The following ZNF138 variants were observed in gnomAD, a reference collection of about 807,000 sequenced individuals.
ZNF138 encodes zinc finger protein 138, also known as zinc finger protein 138 (clone pHZ-32).
A neutral mutation model predicts 33.0 loss-of-function variants in ZNF138; 33 were observed. The observed-to-expected ratio is 1.00, with a 90% CI of 0.76 to 1.34. ZNF138 has a LOEUF of 1.34. ZNF138 is among the 40% of genes most tolerant of loss of function. The pLI is 0.00. For missense variants in ZNF138, 360 were observed against 370.8 expected (o/e 0.97, Z 0.24); for synonymous variants, 139 against 120.4 (o/e 1.15, Z -1.01).
chr7:64,831,344 A>G (rs947532659), intron 3 of ZNF138, 107 bp from the exon 4 acceptor site: 27 of 1,082,304 alleles, frequency 2.5e-5, no homozygotes, highest in Middle Eastern at 2.8e-4. Context: ...GTATTTTGCT[A>G]TGCCATCTTG....
the ZNF138 span, chr7:64,853,060 G>A: frequency 6.9e-7 from 1 of 1,453,484 alleles, no homozygotes; most frequent in Non-Finnish European, 9.7e-7. Context: ...ATGCTATCCT[G>A]CCTGTCACGT....
At position 64,814,904 on chromosome 7, in the gene ZNF138, TGC is replaced by T. The variant is rs1491310537; in HGVS notation, c.4-12_4-11del. On this transcript the variant is annotated splice_polypyrimidine_tract_variant and intron_variant, in intron 1 of 3. Transcript: ENST00000307355. ...GTTAATGTGTGTGTGTGTTTGTGTG[TGC>T]GTGTTTTTCAGGGACCACTGACATT... is the stretch of plus-strand genomic sequence containing the variant. The T allele has an allele frequency of 1.9e-4, 291 of 1,516,402 alleles. No homozygotes were observed. Among genetic ancestry groups the T allele is most frequent in the East Asian group, 4.2e-4 (17 of 40,422 alleles). The allele number at this position is 1,516,402 out of a possible 1,614,324, so 93.9% of individuals were successfully genotyped here. A position where few individuals can be genotyped will look rare whatever the true frequency, so the allele number is the denominator to read the frequency against.
At chr7:64,850,840 T>C in the ZNF138 span, among the ~76,000 whole-genome samples, 9 of 152,238 alleles carry the variant, frequency 5.9e-5, no homozygotes, top group Non-Finnish European at 1.0e-4. Flanking sequence ...TTTTAGATCA[T>C]GATTAATGTT....
At chr7:64,849,262 G>A in the ZNF138 span, among the ~76,000 whole-genome samples, 2 of 152,150 alleles carry the variant, frequency 1.3e-5, no homozygotes, top group African/African-American at 2.4e-5. Context: ...CTGGTACTGG[G>A]GGTTGTCTGC....
In ZNF138 at chr7:64,808,799, C is replaced by G. The variant is rs1277071067; in HGVS notation, c.4-6119C>G. On this transcript the variant is annotated intron_variant, in intron 1 of 3. Coordinates refer to ENST00000307355, the MANE Select transcript of ZNF138 (RefSeq NM_001271639.2). ...ATTAGGGAGTGGTGATGACTCTTAG[C>G]TGCCTTCAAGCATCTGTTTAACAAA... Among the ~76,000 whole-genome samples the G allele has an allele frequency of 1.5e-5, 2 of 132,442 alleles. 1 individual carries two copies. Among genetic ancestry groups the G allele is most frequent in the Admixed American group, 1.6e-4 (2 of 12,724 alleles). The allele number at this position is 132,442 out of a possible 152,430, so 86.9% of individuals were successfully genotyped here. A position where few individuals can be genotyped will look rare whatever the true frequency, so the allele number is the denominator to read the frequency against.
At chr7:64,857,659 T>TAA in the ZNF138 span, among the ~76,000 whole-genome samples, 116 of 484 alleles carry the variant, frequency 0.24, 37 homozygotes, top group Admixed American at 0.25. Context: ...AAAATAAATT[T>TAA]AAAAAAAAAA....
At chr7:64,812,790 C>T (rs1449340259) in intron 1 of ZNF138, among the ~76,000 whole-genome samples, 2 of 150,846 alleles carry the variant, frequency 1.3e-5, no homozygotes, top group Non-Finnish European at 2.9e-5. Flanking sequence ...TGTAATTTGT[C>T]CAGAGAATCT....
At chr7:64,844,423 A>G in the ZNF138 span, among the ~76,000 whole-genome samples, 10 of 151,230 alleles carry the variant, frequency 6.6e-5, no homozygotes, top group African/African-American at 1.5e-4. Context: ...CTTTGAGGAG[A>G]CAGTGATAGC....
intron 1 of ZNF138, among the ~76,000 whole-genome samples, chr7:64,810,372 G>A (rs1346638875): frequency 7.5e-6 from 1 of 133,168 alleles, no homozygotes; most frequent in Non-Finnish European, 1.6e-5. Flanking sequence ...AGGCAGAGAG[G>A]TTGCAGTGAG....
At chr7:64,806,685 T>C (rs1366213802) in intron 1 of ZNF138, among the ~76,000 whole-genome samples, 1 of 152,218 alleles carries the variant, frequency 6.6e-6, no homozygotes, top group Non-Finnish European at 1.5e-5. Context: ...TTGAGCTGTG[T>C]ATTTATTTCT....
At chr7:64,836,980 G>C (rs1044187176), downstream of ZNF138, 1 of 152,192 alleles carries the variant, frequency 6.6e-6, no homozygotes, top group African/African-American at 2.4e-5. Flanking sequence ...AGTTCTGGAG[G>C]GAGCCTTGCC....
intron 1 of ZNF138, among the ~76,000 whole-genome samples, chr7:64,795,071 T>A (rs1786576354): frequency 6.6e-6 from 1 of 152,180 alleles, no homozygotes; most frequent in Non-Finnish European, 1.5e-5. Context: ...GAAACACTTG[T>A]ATAAGGTGTA....
chr7:64,847,419 C>A, the ZNF138 span, among the ~76,000 whole-genome samples: 1 of 147,690 alleles, frequency 6.8e-6, no homozygotes, highest in African/African-American at 2.5e-5. Flanking sequence ...AGTTTAAGTC[C>A]ATTGTTTCTT....
intron 1 of ZNF138, among the ~76,000 whole-genome samples, chr7:64,807,355 C>T (rs1323499244): frequency 2.0e-5 from 3 of 152,228 alleles, no homozygotes; most frequent in African/African-American, 4.8e-5. Context: ...TACAAATCCA[C>T]TTATAACTGC....
chr7:64,849,805 A>T, the ZNF138 span, among the ~76,000 whole-genome samples: 3 of 151,750 alleles, frequency 2.0e-5, no homozygotes, highest in Non-Finnish European at 4.4e-5. Flanking sequence ...CATGCTCCCC[A>T]CCCCCAAGAG....
chr7:64,841,578 C>T, the ZNF138 span, among the ~76,000 whole-genome samples: 4 of 152,148 alleles, frequency 2.6e-5, no homozygotes, highest in Non-Finnish European at 4.4e-5. Flanking sequence ...TTTCATGCTG[C>T]GAAGCTAAAT....
In ZNF138 at chr7:64,832,905, T is replaced by C. The variant is rs1790209236; in HGVS notation, c.*703T>C. On this transcript the variant is annotated 3_prime_UTR_variant, in exon 4 of 4. Coordinates refer to ENST00000307355, the MANE Select transcript of ZNF138 (RefSeq NM_001271639.2). ...TGCTATACATAAGATGATTCACACTTGAATGAAACCCTACAAATGTGAACG... is the reference window on the plus strand; with the variant it reads ...TGCTATACATAAGATGATTCACACTCGAATGAAACCCTACAAATGTGAACG... 5.2e-6 allele frequency: 2 copies of C among 384,740 alleles called. No homozygotes were observed. The highest frequency in any genetic ancestry group is 6.4e-5 in the Admixed American group (2 of 31,352). 23.8% of individuals were successfully genotyped at this position (384,740 alleles called of 1,614,324 possible). A position where few individuals can be genotyped will look rare whatever the true frequency, so the allele number is the denominator to read the frequency against.
the ZNF138 span, among the ~76,000 whole-genome samples, chr7:64,838,950 G>T: frequency 6.6e-6 from 1 of 152,110 alleles, no homozygotes. Context: ...AGATGGCGGC[G>T]GAGAGACTAA....
chr7:64,843,972 C>T, the ZNF138 span, among the ~76,000 whole-genome samples: 25 of 152,154 alleles, frequency 1.6e-4, no homozygotes, highest in South Asian at 3.9e-3. Flanking sequence ...TACTGGTGTG[C>T]GCCACCATGC....
Sources: gnomAD v4.1 joint callset for allele counts (sites outside exome capture counted in the v4.1 genomes callset) on GRCh38, gnomAD v4.1.1 for gene constraint, MANE v1.5 for transcripts, NCBI Gene and HGNC (gene_info 2026-07-23, HGNC 2026-07-21) for gene names.